The following LRRK1 variants were observed in gnomAD, a reference collection of about 807,000 sequenced individuals.
The protein encoded by LRRK1 is leucine rich repeat kinase 1, also known as leucine-rich repeat serine/threonine-protein kinase 1.
In LRRK1, 113 loss-of-function variants were observed where a neutral mutation model predicts 209.1. The observed-to-expected ratio is 0.54, with a 90% confidence interval of 0.46 to 0.63. The LOEUF (loss-of-function observed/expected upper bound fraction) is 0.63, where lower values mean the gene tolerates loss of function less well. Ranked by LOEUF, LRRK1 falls within the 30% of genes least tolerant of loss-of-function variation. The pLI, the probability that LRRK1 is intolerant of heterozygous loss-of-function variation, is 0.00. For synonymous variants in LRRK1, 1,144 were observed against 1,099.7 expected, an observed-to-expected ratio of 1.04 and a Z score of -0.80; for missense variants, 2,284 against 2,632.2, an observed-to-expected ratio of 0.87 and a Z score of 2.89.
intron 29 of LRRK1, among the ~76,000 whole-genome samples, chr15:101,059,743 A>G (rs1249511933): frequency 6.6e-6 from 1 of 152,232 alleles, no homozygotes; most frequent in Non-Finnish European, 1.5e-5. Flanking sequence ...CCTAAAAACA[A>G]GGACCAACCA....
rs182497429 is a variant in LRRK1 at position 101,013,199 on chromosome 15, G to T, written c.1419+1054G>T. On this transcript the variant is annotated intron_variant, in intron 10 of 33. Transcript: ENST00000388948. ...GGGGGACCCTGAGGTCTGGCACATGGCAGGGTCTCCATAGAATTTCAGCAG... is the reference window on the plus strand; with the variant it reads ...GGGGGACCCTGAGGTCTGGCACATGTCAGGGTCTCCATAGAATTTCAGCAG... Among the ~76,000 whole-genome samples the T allele has an allele frequency of 8.8e-3, 1,336 of 152,300 alleles. 25 individuals carry two copies. The highest frequency in any genetic ancestry group is 0.031 in the African/African-American group (1,273 of 41,560).
In LRRK1 at chr15:100,973,828, C is replaced by A. The variant is rs753089141; in HGVS notation, c.122C>A (p.Pro41Gln). 12 of 1,292,614 alleles carry A rather than the reference C, an allele frequency of 9.3e-6. No individual in the cohort carries two copies. The highest frequency in any genetic ancestry group is 1.2e-5 in the Non-Finnish European group (12 of 1,016,892). 80.1% of individuals were successfully genotyped at this position (1,292,614 alleles called of 1,614,324 possible). A position where few individuals can be genotyped will look rare whatever the true frequency, so the allele number is the denominator to read the frequency against. Residue 41 changes from proline to glutamine, a missense_variant, in exon 3 of 34, where the codon CCG (proline) becomes CAG (glutamine). Transcript: ENST00000388948. ...LNGAGDTGGK[P>Q]STRGGDPAAR... ...GGTGCCGGGGACACGGGCGGCAAGCCGTCCACGCGGGGCGGTGACCCTGCA... is the reference window on the plus strand; with the variant it reads ...GGTGCCGGGGACACGGGCGGCAAGCAGTCCACGCGGGGCGGTGACCCTGCA...
At chr15:101,048,100 A>ATAG (rs1491421589) in intron 21 of LRRK1, among the ~76,000 whole-genome samples, 2 of 61,712 alleles carry the variant, frequency 3.2e-5, no homozygotes, top group Non-Finnish European at 4.1e-5. Flanking sequence ...ATGGAGATAG[A>ATAG]AAAAAAAAAA....
rs1171983488 is a variant in LRRK1 at position 101,077,519 on chromosome 15, C to T, written c.*8671C>T. The T allele has an allele frequency of 1.3e-5, 2 of 152,162 alleles. No individual in the cohort carries two copies. Among genetic ancestry groups the T allele is most frequent in the Non-Finnish European group, 2.9e-5 (2 of 68,038 alleles). The allele number at this position is 152,162 out of a possible 1,614,324, so 9.4% of individuals were successfully genotyped here. On this transcript the variant is annotated 3_prime_UTR_variant, in exon 34 of 34. Transcript: ENST00000388948. The stretch of plus-strand genomic sequence containing the variant: ...GTCCTGAGTCATCTCAATTCTTAGA[C>T]CTTTTATACCTGTTTTTCTCCTTTA...
intron 11 of LRRK1, 127 bp downstream of exon 11, chr15:101,014,555 C>T: frequency 1.5e-6 from 1 of 685,362 alleles, no homozygotes; most frequent in Non-Finnish European, 2.6e-6. Context: ...GGCTTAACAA[C>T]AGAAATCACT....
intron 9 of LRRK1, among the ~76,000 whole-genome samples, chr15:101,011,576 C>G (rs1192825820): frequency 8.6e-6 from 1 of 115,804 alleles, no homozygotes; most frequent in Non-Finnish European, 1.8e-5. Flanking sequence ...GATGGAATAG[C>G]ATGAAGAATG....
At chr15:100,954,826 T>C (rs1335115699) in intron 2 of LRRK1, among the ~76,000 whole-genome samples, 1 of 152,250 alleles carries the variant, frequency 6.6e-6, no homozygotes, top group Non-Finnish European at 1.5e-5. Flanking sequence ...ATTTCTGGAC[T>C]CTCCATTCTG....
chr15:100,936,696 G>C (rs2042306015), intron 2 of LRRK1, among the ~76,000 whole-genome samples: 1 of 152,146 alleles, frequency 6.6e-6, no homozygotes. Context: ...GGCAACTTGG[G>C]GTCTGTGGGA....
chr15:101,061,347 T>G (rs1319415726), intron 30 of LRRK1, 59 bp downstream of exon 30: 3 of 1,213,206 alleles, frequency 2.5e-6, no homozygotes, highest in Non-Finnish European at 2.4e-6. Flanking sequence ...GGTGCAGCCC[T>G]GGGTGGGGGC....
chr15:100,939,900 T>C lies in LRRK1; in HGVS notation c.97+15171T>C, dbSNP rs894831839. Reference sequence around the variant, plus strand: ...GTGGGGTTTTTTTTCCTTAGTATCATTATGAACTCATGAATTTTAATTTAT... The same window carrying C: ...GTGGGGTTTTTTTTCCTTAGTATCACTATGAACTCATGAATTTTAATTTAT... On this transcript the variant is annotated intron_variant, in intron 2 of 33. Coordinates refer to ENST00000388948, the MANE Select transcript of LRRK1 (RefSeq NM_024652.6). 4.6e-5 allele frequency among the ~76,000 whole-genome samples: 7 copies of C among 152,212 alleles called. No homozygotes were observed. The East Asian group carries it at 1.3e-3, about 29-fold the overall frequency.
rs550711373 is a variant in LRRK1 at position 101,048,721 on chromosome 15, C to A, written c.3299+64C>A. The A allele has an allele frequency of 6.7e-6, 9 of 1,343,516 alleles. No individual in the cohort carries two copies. In the Admixed American group the frequency reaches 8.6e-5, roughly 13 times the overall value. 83.2% of individuals were successfully genotyped at this position (1,343,516 alleles called of 1,614,324 possible). On this transcript the variant is annotated intron_variant, in intron 22 of 33. Transcript: ENST00000388948. The stretch of plus-strand genomic sequence containing the variant: ...TGCCACAGCAGCCACCGCGGGGCCA[C>A]GTCAGCAGGATGCCTCATCCTCTTG...
In LRRK1 at chr15:100,977,279, T is replaced by C. The variant is rs138631900; in HGVS notation, c.261+3312T>C. 6.9e-3 allele frequency among the ~76,000 whole-genome samples: 1,049 copies of C among 151,366 alleles called. 14 individuals are homozygous for C. Among genetic ancestry groups the C allele is most frequent in the African/African-American group, 0.023 (967 of 41,224 alleles). ...AGCCAGGCAGGAAACTTACAGGCAG[T>C]CAACAACCCTCTTCGGCAAAACACT... is the stretch of plus-strand genomic sequence containing the variant. On this transcript the variant is annotated intron_variant, in intron 3 of 33. Transcript: ENST00000388948.
chr15:100,977,981 A>C (rs2031387747), intron 3 of LRRK1, among the ~76,000 whole-genome samples: 1 of 152,208 alleles, frequency 6.6e-6, no homozygotes, highest in South Asian at 2.1e-4. Context: ...TTATAAATAC[A>C]CTTGAAACAA....
At chr15:101,006,763 A>T (rs1256713390) in intron 6 of LRRK1, among the ~76,000 whole-genome samples, 1 of 152,246 alleles carries the variant, frequency 6.6e-6, no homozygotes, top group African/African-American at 2.4e-5. Flanking sequence ...AGAGGGGCAA[A>T]AGCCTATGTG....
At chr15:101,035,400 C>T (rs768932397) in intron 20 of LRRK1, among the ~76,000 whole-genome samples, 3 of 152,000 alleles carry the variant, frequency 2.0e-5, no homozygotes, top group African/African-American at 7.2e-5. Context: ...ATCCCTTTAT[C>T]ATTTCTTCTT....
chr15:101,041,280 G>A (rs2034744853), intron 20 of LRRK1, among the ~76,000 whole-genome samples: 1 of 152,050 alleles, frequency 6.6e-6, no homozygotes, highest in African/African-American at 2.4e-5. Context: ...CTATAAAAAA[G>A]GAATCTCTTG....
At chr15:100,945,882 T>C (rs1425998630) in intron 2 of LRRK1, among the ~76,000 whole-genome samples, 1 of 152,220 alleles carries the variant, frequency 6.6e-6, no homozygotes, top group Non-Finnish European at 1.5e-5. Flanking sequence ...TATCTATTCG[T>C]TGTTAACCTA....
rs1228090312 is a variant in LRRK1 at position 100,962,814 on chromosome 15, TATATATATA to T, written c.98-10989_98-10981del. On this transcript the variant is annotated intron_variant, in intron 2 of 33. Transcript: ENST00000388948. ...TTTTGCATATATATATATATATATATATATATATATTTTTTTTTTTTTTTTTGAGATGGA... is the reference window on the plus strand; with the variant it reads ...TTTTGCATATATATATATATATATATTTTTTTTTTTTTTTTTTGAGATGGA... Among the ~76,000 whole-genome samples the T allele has an allele frequency of 1.2e-3, 41 of 33,946 alleles. 1 individual carries two copies. Among genetic ancestry groups the T allele is most frequent in the African/African-American group, 1.7e-3 (18 of 10,320 alleles). The allele number at this position is 33,946 out of a possible 152,430, so 22.3% of individuals were successfully genotyped here.
At chr15:100,983,768 G>A in intron 4 of LRRK1, 69 bp downstream of exon 4, 1 of 1,428,596 alleles carries the variant, frequency 7.0e-7, no homozygotes, top group Non-Finnish European at 9.9e-7. Flanking sequence ...ACCCCAAAAT[G>A]TTTACTTCTT....
Sources: allele counts gnomAD v4.1 joint callset (sites outside exome capture counted in the v4.1 genomes callset), GRCh38; gene constraint gnomAD v4.1.1; transcripts MANE v1.5; gene names NCBI Gene and HGNC (gene_info 2026-07-23, HGNC 2026-07-21).